ZNF729: variants seen among roughly 807,000 people sequenced by gnomAD.
ZNF729 encodes the protein zinc finger protein 729.
Under a neutral mutation model 12.2 loss-of-function variants are expected in ZNF729, and 15 were observed. The observed-to-expected ratio is 1.23, with a 90% CI of 0.82 to 1.89. The LOEUF (loss-of-function observed/expected upper bound fraction) is 1.89, where lower values mean the gene tolerates loss of function less well. ZNF729 is among the 40% of genes most tolerant of loss of function. ZNF729 has a pLI of 0.00. For missense variants in ZNF729, 1,540 were observed against 1,456.7 expected (o/e 1.06, Z -0.93); for synonymous variants, 492 against 476.3 (o/e 1.03, Z -0.43).
At chr19:22,293,416 C>A (rs1458280529) in intron 1 of ZNF729, among the ~76,000 whole-genome samples, 1 of 151,498 alleles carries the variant, frequency 6.6e-6, no homozygotes, top group African/African-American at 2.4e-5. Flanking sequence ...AAACTCCTGA[C>A]CTCAAGTGCT....
At chr19:22,294,965 C>T (rs867815651) in intron 1 of ZNF729, among the ~76,000 whole-genome samples, 1 of 151,596 alleles carries the variant, frequency 6.6e-6, no homozygotes, top group Non-Finnish European at 1.5e-5. Context: ...CCGTCTGTGA[C>T]TCTTTAAGCA....
intron 1 of ZNF729, among the ~76,000 whole-genome samples, chr19:22,288,379 C>A (rs750671427): frequency 1.8e-4 from 26 of 148,106 alleles, no homozygotes; most frequent in Admixed American, 1.0e-3. Flanking sequence ...AAATGTTTTC[C>A]TTTGGAAACT....
chr19:22,292,362 CATA>C (rs1377004313), intron 1 of ZNF729, among the ~76,000 whole-genome samples: 2 of 152,278 alleles, frequency 1.3e-5, no homozygotes, highest in African/African-American at 4.8e-5. Flanking sequence ...CTGCAAATGA[CATA>C]ATCTTGTTCA....
At chr19:22,307,342 T>TTA (rs1968391642) in intron 3 of ZNF729, among the ~76,000 whole-genome samples, 1 of 112,218 alleles carries the variant, frequency 8.9e-6, no homozygotes, top group African/African-American at 3.3e-5. Context: ...TTTTTTTTTT[T>TTA]AGCTGTGCTA....
rs760465513 is a variant in ZNF729 at position 22,314,687 on chromosome 19, A to G, written c.1270A>G (p.Ile424Val). 3.7e-6 allele frequency: 6 copies of G among 1,612,600 alleles called. No homozygotes were observed. Among genetic ancestry groups the G allele is most frequent in the African/African-American group, 1.3e-5 (1 of 74,850 alleles). The change falls in exon 4 of 4, where the codon ATA becomes GTA. Residue 424 changes from isoleucine (I) to valine (V), a missense_variant. Ile to Val is a conservative substitution (Grantham distance 29). Coordinates refer to ENST00000601693, the MANE Select transcript of ZNF729 (RefSeq NM_001242680.2). ...GTTCTCAACCCTTAAAAAACATAAG[A>G]TAATTCATACTGGAAAGAAACCCTA... ...SQFSTLKKHK[I>V]IHTGKKPYKC...
At chr19:22,288,809 TATA>T (rs1356449063) in intron 1 of ZNF729, among the ~76,000 whole-genome samples, 1 of 151,570 alleles carries the variant, frequency 6.6e-6, no homozygotes, top group Non-Finnish European at 1.5e-5. Flanking sequence ...GGGAAAGAAA[TATA>T]ATGAAAAAAT....
Position 22,313,196 on chromosome 19 carries a change from C to T in ZNF729, c.254-475C>T, listed in dbSNP as rs867124411. Among the ~76,000 whole-genome samples the T allele has an allele frequency of 2.6e-5, 4 of 152,186 alleles. No homozygotes were observed. In the Middle Eastern group the frequency reaches 0.01, roughly 388 times the overall value. Reference sequence around the variant, plus strand: ...CCTCCCAAGTAGTTGGGACTACAGACGTGTGCCACCACATCTGGCTAATTT... The same window carrying T: ...CCTCCCAAGTAGTTGGGACTACAGATGTGTGCCACCACATCTGGCTAATTT... On this transcript the variant is annotated intron_variant, in intron 3 of 3. Transcript: ENST00000601693.
chr19:22,302,330 A>C (rs982517921), intron 1 of ZNF729, among the ~76,000 whole-genome samples: 1 of 152,312 alleles, frequency 6.6e-6, no homozygotes, highest in African/African-American at 2.4e-5. Context: ...AACTGGGTAC[A>C]TGGTTGAATT....
chr19:22,307,575 C>T (rs1324622998), intron 3 of ZNF729, among the ~76,000 whole-genome samples: 1 of 150,914 alleles, frequency 6.6e-6, no homozygotes, highest in African/African-American at 2.4e-5. Context: ...GAAACCTTGT[C>T]TCTACTAAAA....
Position 22,316,994 on chromosome 19 carries a change from T to C in ZNF729, c.3577T>C (p.Cys1193Arg). The C allele has an allele frequency of 1.2e-6, 2 of 1,612,542 alleles. No homozygotes were observed. Among genetic ancestry groups the C allele is most frequent in the Non-Finnish European group, 1.7e-6 (2 of 1,179,988 alleles). The change falls in exon 4 of 4, where the codon TGT becomes CGT. Residue 1193 changes from cysteine to arginine, a missense_variant. Coordinates refer to ENST00000601693, the MANE Select transcript of ZNF729 (RefSeq NM_001242680.2). ...AGAGAAACCCTACAAATGTGAAGAA[T>C]GTGGCAAAGCTTTTATTCAGTGCTC... ...TGEKPYKCEE[C>R]GKAFIQCSYL...
At chr19:22,297,993 G>A (rs1344521195) in intron 1 of ZNF729, among the ~76,000 whole-genome samples, 5 of 56,128 alleles carry the variant, frequency 8.9e-5, no homozygotes, top group South Asian at 6.3e-4. Flanking sequence ...TAACAAAAGC[G>A]AAACTCCATC....
In ZNF729 at chr19:22,311,204, CT is replaced by C. The variant is rs1456339136; in HGVS notation, c.254-2466del. On this transcript the variant is annotated intron_variant, in intron 3 of 3. Coordinates refer to ENST00000601693, the MANE Select transcript of ZNF729 (RefSeq NM_001242680.2). ...TGTTTCAATTTCATTTCATTCTGCT[CT>C]GATTTTGATTATTTTTTTTCTTCTC... Among the ~76,000 whole-genome samples, 3 of 151,864 alleles carry C rather than the reference CT, an allele frequency of 2.0e-5. No homozygotes were observed. The East Asian group carries it at 5.8e-4, about 29-fold the overall frequency.
chr19:22,300,368 T>C (rs764475148), intron 1 of ZNF729, among the ~76,000 whole-genome samples: 1 of 152,212 alleles, frequency 6.6e-6, no homozygotes, highest in Non-Finnish European at 1.5e-5. Flanking sequence ...TCAGGTTTAA[T>C]TGTGTAATAA....
intron 1 of ZNF729, among the ~76,000 whole-genome samples, chr19:22,293,733 A>T (rs1380269088): frequency 6.6e-6 from 1 of 151,512 alleles, no homozygotes; most frequent in Non-Finnish European, 1.5e-5. Flanking sequence ...ACCTCAGGTG[A>T]TCCACCTGTC....
At position 22,304,771 on chromosome 19, in the gene ZNF729, A is replaced by G. The variant is rs1332317116; in HGVS notation, c.241A>G (p.Thr81Ala). 6.2e-7 allele frequency: 1 copy of G among 1,613,068 alleles called. No homozygotes were observed. The highest frequency in any genetic ancestry group is 1.1e-5 in the South Asian group (1 of 90,894). Residue 81 changes from threonine (T) to alanine (A), a missense_variant, in exon 3 of 4, where the codon ACT becomes GCT. Physicochemically the swap from Thr to Ala is moderately conservative, Grantham distance 58 (BLOSUM62 0). Transcript: ENST00000601693. ...PWNMKRHEMV[T>A]KPPVMRSHFT... ...GAATATGAAGAGACATGAGATGGTA[A>G]CTAAACCCCCAGGTATGTGAGAGTG... is the stretch of plus-strand genomic sequence containing the variant.
intron 1 of ZNF729, 129 bp downstream of exon 1, chr19:22,286,684 C>A: frequency 8.1e-7 from 1 of 1,239,608 alleles, no homozygotes; most frequent in Non-Finnish European, 1.2e-6. Flanking sequence ...TCTTTCCCAT[C>A]TCGGCCTCAG....
At chr19:22,300,835 T>G (rs942873524) in intron 1 of ZNF729, among the ~76,000 whole-genome samples, 12 of 152,214 alleles carry the variant, frequency 7.9e-5, no homozygotes, top group Non-Finnish European at 1.6e-4. Context: ...TTTTTCTTCA[T>G]CTTGCTAAAA....
chr19:22,306,208 A>C (rs1968375178), intron 3 of ZNF729, among the ~76,000 whole-genome samples: 1 of 152,176 alleles, frequency 6.6e-6, no homozygotes, highest in East Asian at 1.9e-4. Flanking sequence ...TGGGAGACCA[A>C]AGCGGGCAGA....
rs563369344 is a variant in ZNF729 at position 22,314,968 on chromosome 19, A to T, written c.1551A>T (p.Lys517Asn). 175 of 1,612,078 alleles carry T rather than the reference A, an allele frequency of 1.1e-4. No homozygotes were observed. The highest frequency in any genetic ancestry group is 1.7e-4 in the Admixed American group (10 of 59,966). The part of the protein sequence containing the change: ...KIIHTGKKPY[K>N]CEECGKAFSQ... ...TTCATACTGGAAAGAAACCCTACAAATGTGAAGAATGTGGGAAAGCTTTTA... is the reference window on the plus strand; with the variant it reads ...TTCATACTGGAAAGAAACCCTACAATTGTGAAGAATGTGGGAAAGCTTTTA... Residue 517 changes from lysine to asparagine, a missense_variant, in exon 4 of 4, where the codon AAA (lysine) becomes AAT (asparagine). Lys to Asn is a moderately conservative substitution (Grantham distance 94). Transcript: ENST00000601693.
Sources: gnomAD v4.1 joint callset for allele counts (sites outside exome capture counted in the v4.1 genomes callset) on GRCh38, gnomAD v4.1.1 for gene constraint, MANE v1.5 for transcripts, NCBI Gene and HGNC (gene_info 2026-07-23, HGNC 2026-07-21) for gene names.